The following WDPCP variants were observed in gnomAD, a reference collection of about 807,000 sequenced individuals.
WDPCP encodes the protein WD repeat-containing and planar cell polarity effector protein fritz homolog.
In WDPCP, 71 loss-of-function variants were observed where a neutral mutation model predicts 93.1. That is an observed-to-expected ratio of 0.76 (90% CI 0.63 to 0.93). The LOEUF (loss-of-function observed/expected upper bound fraction) is 0.93. Among genes scored for constraint, WDPCP ranks in the 40% least tolerant of loss-of-function variants. The probability of loss-of-function intolerance (pLI) is 0.00; values close to 1 mark genes in which losing one functional copy is unlikely to be tolerated. For missense variants in WDPCP, 844 were observed against 887.4 expected, an observed-to-expected ratio of 0.95 and a Z score of 0.62; for synonymous variants, 315 against 315.0, an observed-to-expected ratio of 1.00 and a Z score of 0.00.
At chr2:63,686,813 A>G (rs1273198562) in intron 2 of WDPCP, among the ~76,000 whole-genome samples, 1 of 151,866 alleles carries the variant, frequency 6.6e-6, no homozygotes. Context: ...AAGAACATAC[A>G]GTCTCTTGAG....
At chr2:63,284,787 A>C (rs959337150) in intron 13 of WDPCP, among the ~76,000 whole-genome samples, 9 of 152,132 alleles carry the variant, frequency 5.9e-5, no homozygotes, top group South Asian at 2.1e-4. Flanking sequence ...TTATTTTTGG[A>C]ATTTTCTTTT....
chr2:63,726,411 C>T (rs72889367), intron 2 of WDPCP, among the ~76,000 whole-genome samples: 13,977 of 152,144 alleles, frequency 0.092, 1,022 homozygotes, highest in African/African-American at 0.21. Flanking sequence ...GTCTATATGA[C>T]TGTTTTTGTA....
chr2:63,421,620 T>C (rs1695868104), intron 9 of WDPCP, among the ~76,000 whole-genome samples: 1 of 152,124 alleles, frequency 6.6e-6, no homozygotes. Flanking sequence ...AAACTAAAGG[T>C]GTTCATCATG....
At chr2:63,437,133 A>C (rs973812851) in intron 8 of WDPCP, among the ~76,000 whole-genome samples, 1 of 152,072 alleles carries the variant, frequency 6.6e-6, no homozygotes, top group Admixed American at 6.6e-5. Context: ...CACTGGCACG[A>C]AAACCATTTT....
chr2:63,289,930 A>C (rs1051952092), intron 13 of WDPCP, among the ~76,000 whole-genome samples: 8 of 151,162 alleles, frequency 5.3e-5, no homozygotes, highest in Middle Eastern at 6.8e-3. Context: ...TATTTTTCAC[A>C]TTTTTTCTTT....
upstream of WDPCP, among the ~76,000 whole-genome samples, chr2:63,831,823 G>T (rs1228519391): frequency 6.6e-6 from 1 of 152,088 alleles, no homozygotes; most frequent in Non-Finnish European, 1.5e-5. Context: ...CTAAGTTTGG[G>T]GGCATTGATT....
chr2:63,577,432 T>C (rs978983292), intron 1 of WDPCP, among the ~76,000 whole-genome samples: 3 of 152,194 alleles, frequency 2.0e-5, no homozygotes, highest in Non-Finnish European at 4.4e-5. Flanking sequence ...AGCTTTATGT[T>C]CTCTAGAAAA....
intron 14 of WDPCP, among the ~76,000 whole-genome samples, chr2:63,192,828 A>T (rs1385319518): frequency 6.6e-6 from 1 of 152,222 alleles, no homozygotes; most frequent in Non-Finnish European, 1.5e-5. Flanking sequence ...TTCAAAGGAG[A>T]TATCCTTTCC....
At chr2:63,274,641 GAA>G (rs2104885194) in intron 13 of WDPCP, among the ~76,000 whole-genome samples, 1 of 152,138 alleles carries the variant, frequency 6.6e-6, no homozygotes, top group East Asian at 1.9e-4. Flanking sequence ...TGATATCAAA[GAA>G]ACAGAAAGGA....
intron 2 of WDPCP, among the ~76,000 whole-genome samples, chr2:63,802,555 GT>G (rs1313179124): frequency 6.6e-6 from 1 of 152,044 alleles, no homozygotes; most frequent in Admixed American, 6.5e-5. Context: ...GTGACTGAAA[GT>G]AAAAAAATTG....
rs189425793 is a variant in WDPCP at position 63,686,518 on chromosome 2, A to G, written n.309-35680T>C. On this transcript the variant is annotated intron_variant and non_coding_transcript_variant, in intron 2 of 4. Transcript: ENST00000467687. ...ATTGTTAAAATGTCCTACTACCCAA[A>G]GTAATCTGCAGATTTGATGCAATCC... 1.0e-3 allele frequency among the ~76,000 whole-genome samples: 158 copies of G among 152,298 alleles called. 2 individuals are homozygous for G. Among genetic ancestry groups the G allele is most frequent in the African/African-American group, 3.6e-3 (150 of 41,548 alleles).
intron 10 of WDPCP, among the ~76,000 whole-genome samples, chr2:63,396,262 A>G (rs1693715037): frequency 6.6e-6 from 1 of 152,214 alleles, no homozygotes; most frequent in South Asian, 2.1e-4. Context: ...TAATGTTAAA[A>G]TAACTCTTTG....
chr2:63,587,062 G>A (rs1382274605), intron 1 of WDPCP, among the ~76,000 whole-genome samples: 1 of 152,192 alleles, frequency 6.6e-6, no homozygotes, highest in African/African-American at 2.4e-5. Context: ...GCTAGTAGAA[G>A]AATTCATTTA....
intron 3 of WDPCP, chr2:63,643,257 G>C (rs1253770071): frequency 9.1e-6 from 3 of 330,722 alleles, no homozygotes; most frequent in Non-Finnish European, 1.7e-5. Flanking sequence ...CATGTCTCTA[G>C]AGACCATTTC....
In WDPCP at chr2:63,311,664, G is replaced by T. The variant is rs566273118; in HGVS notation, c.1812+1584C>A. On this transcript the variant is annotated intron_variant, in intron 13 of 17. Transcript: ENST00000272321. ...TTAGGATTAGCCTATCAGTAGAAAG[G>T]CTACTGGATGAAGGTGATTTGAACT... 9.9e-5 allele frequency among the ~76,000 whole-genome samples: 15 copies of T among 152,224 alleles called. No homozygotes were observed. In the East Asian group the frequency reaches 2.9e-3, roughly 29 times the overall value.
chr2:63,431,215 C>T (rs1696735832), intron 9 of WDPCP, among the ~76,000 whole-genome samples: 1 of 151,870 alleles, frequency 6.6e-6, no homozygotes. Flanking sequence ...CCACGAAAAT[C>T]GCCTAGGGAA....
chr2:63,192,629 TACCTGAAATGTCTG>T (rs914891911), intron 14 of WDPCP, among the ~76,000 whole-genome samples: 1 of 152,238 alleles, frequency 6.6e-6, no homozygotes, highest in Non-Finnish European at 1.5e-5. Flanking sequence ...TCAAGGTTCA[TACCTGAAATGTCTG>T]GCACAAAGCC....
intron 6 of WDPCP, among the ~76,000 whole-genome samples, chr2:63,477,586 C>T (rs1700042619): frequency 6.6e-6 from 1 of 152,192 alleles, no homozygotes; most frequent in South Asian, 2.1e-4. Context: ...TGGGGACACA[C>T]ATCATGAACT....
intron 2 of WDPCP, among the ~76,000 whole-genome samples, chr2:63,668,548 A>G (rs547243598): frequency 2.6e-5 from 4 of 152,368 alleles, no homozygotes; most frequent in Admixed American, 2.6e-4. Context: ...CAAAAGTGTG[A>G]AATTATACTT....
Sources: allele counts gnomAD v4.1 joint callset (sites outside exome capture counted in the v4.1 genomes callset), GRCh38; gene constraint gnomAD v4.1.1; transcripts MANE v1.5; gene names NCBI Gene and HGNC (gene_info 2026-07-23, HGNC 2026-07-21).